Variants in MCF2L observed in about 807,000 individuals in gnomAD.
MCF2L encodes guanine nucleotide exchange factor DBS.
In MCF2L, 97 loss-of-function variants were observed where a neutral mutation model predicts 153.4. That is an observed-to-expected ratio of 0.63 (90% CI 0.54 to 0.75). The LOEUF is 0.75. MCF2L is among the 30% of genes least tolerant of loss of function. The probability of loss-of-function intolerance (pLI) is 0.00; values close to 1 mark genes in which losing one functional copy is unlikely to be tolerated. For missense variants in MCF2L, 1,347 were observed against 1,495.2 expected, an observed-to-expected ratio of 0.90 and a Z score of 1.64; for synonymous variants, 659 against 632.2, an observed-to-expected ratio of 1.04 and a Z score of -0.64.
intron 1 of MCF2L, among the ~76,000 whole-genome samples, chr13:112,975,468 C>T (rs1175440324): frequency 1.3e-5 from 2 of 152,198 alleles, no homozygotes; most frequent in African/African-American, 2.4e-5. Context: ...AGAGCACCTA[C>T]CTGCTAGGGT....
intron 15 of MCF2L, among the ~76,000 whole-genome samples, chr13:113,079,735 A>G (rs1182246805): frequency 6.6e-6 from 1 of 152,120 alleles, no homozygotes; most frequent in Non-Finnish European, 1.5e-5. Flanking sequence ...AGAAGCGTCC[A>G]GGCAGAGGAT....
chr13:112,948,238 C>T (rs1438021573), intron 2 of MCF2L, among the ~76,000 whole-genome samples: 1 of 152,244 alleles, frequency 6.6e-6, no homozygotes, highest in African/African-American at 2.4e-5. Flanking sequence ...TCAATCCATA[C>T]TAATCTTATG....
chr13:112,935,153 A>C (rs1469345279), intron 2 of MCF2L, among the ~76,000 whole-genome samples: 1 of 152,200 alleles, frequency 6.6e-6, no homozygotes, highest in Non-Finnish European at 1.5e-5. Context: ...TGACATTATG[A>C]TGGTTCAAAA....
intron 2 of MCF2L, among the ~76,000 whole-genome samples, chr13:112,921,036 G>T (rs3011493): frequency 0.082 from 12,470 of 151,804 alleles, 638 homozygotes; most frequent in South Asian, 0.14. Context: ...AATTAGCCGG[G>T]TGTGGTGGCG....
intron 2 of MCF2L, among the ~76,000 whole-genome samples, chr13:113,017,138 G>A (rs972526902): frequency 2.6e-5 from 4 of 152,338 alleles, no homozygotes; most frequent in Non-Finnish European, 5.9e-5. Context: ...GTTGCCAATC[G>A]CCCCGTCCCC....
chr13:112,931,529 G>T (rs1412993748), intron 2 of MCF2L, among the ~76,000 whole-genome samples: 5 of 152,288 alleles, frequency 3.3e-5, no homozygotes, highest in Middle Eastern at 3.4e-3. Flanking sequence ...GCAGATACAG[G>T]TGGCGACATA....
At chr13:112,982,775 G>A (rs147390586) in intron 1 of MCF2L, among the ~76,000 whole-genome samples, 8 of 152,328 alleles carry the variant, frequency 5.3e-5, no homozygotes, top group Non-Finnish European at 8.8e-5. Flanking sequence ...GTCTGTGATC[G>A]TGTCTGTGGT....
chr13:112,925,460 T>G (rs982475795), intron 2 of MCF2L, among the ~76,000 whole-genome samples: 3 of 152,182 alleles, frequency 2.0e-5, no homozygotes, highest in African/African-American at 7.2e-5. Context: ...AGCCCCACGC[T>G]GGACACCCTA....
upstream of MCF2L, chr13:112,968,841 G>A: frequency 8.2e-7 from 1 of 1,214,108 alleles, no homozygotes; most frequent in Non-Finnish European, 1.1e-6. Context: ...GAAGGGCGGG[G>A]GCACTTGTGC....
rs779671728 is a variant in MCF2L, at chr13:113,027,564, C to T, written c.278+2806C>T. ...TCTTGTCTGTTGTGAGAATCTTGCA[C>T]CCCCTATGCGCCAGGCTCTGCTGGC... On this transcript the variant is annotated intron_variant, in intron 3 of 29. Transcript: ENST00000535094. The surrounding 1 kb of genome is among the most constrained non-coding windows in gnomAD (Gnocchi z 4.8). Among the ~76,000 whole-genome samples the T allele has an allele frequency of 7.9e-5, 12 of 152,156 alleles. No individual in the cohort carries two copies. Among genetic ancestry groups the T allele is most frequent in the Non-Finnish European group, 1.5e-4 (10 of 68,026 alleles).
At chr13:112,905,485 G>C (rs543524101) in intron 2 of MCF2L, among the ~76,000 whole-genome samples, 4 of 152,238 alleles carry the variant, frequency 2.6e-5, no homozygotes, top group Non-Finnish European at 5.9e-5. Context: ...TAGGGGCAAG[G>C]AGGCAAGGAA....
chr13:113,095,321 G>A, intron 27 of MCF2L: 2 of 1,175,514 alleles, frequency 1.7e-6, no homozygotes, highest in Non-Finnish European at 2.1e-6. Context: ...GAAGCCAGGC[G>A]TGGAAGGGTA....
intron 2 of MCF2L, among the ~76,000 whole-genome samples, chr13:112,958,734 C>T (rs913598539): frequency 2.0e-5 from 3 of 152,246 alleles, no homozygotes; most frequent in Non-Finnish European, 4.4e-5. Flanking sequence ...CATGCAGCTC[C>T]TCAGGCCTGG....
chr13:113,077,938 C>T (rs1220932991), intron 13 of MCF2L, among the ~76,000 whole-genome samples: 1 of 152,244 alleles, frequency 6.6e-6, no homozygotes, highest in Admixed American at 6.5e-5. Context: ...TTATTTTCTG[C>T]CTGTTGGGAG....
chr13:113,082,476 C>T lies in MCF2L; in HGVS notation c.1925C>T (p.Thr642Ile). The T allele has an allele frequency of 1.2e-6, 2 of 1,614,118 alleles. No individual in the cohort carries two copies. The highest frequency in any genetic ancestry group is 2.2e-5 in the South Asian group (2 of 91,084). ...DNPLMAHLLS[T>I]GLHNKKDVLF... ...CCACTGATGGCTCACCTCCTGTCAA[C>T]AGGCCTTCACAACAAGAAGGATGTT... Residue 642 changes from threonine to isoleucine, a missense_variant, in exon 17 of 30, where the codon ACA becomes ATA. Thr to Ile is a moderately conservative substitution (Grantham distance 89, BLOSUM62 -1). Coordinates refer to ENST00000535094, the MANE Select transcript of MCF2L (RefSeq NM_001112732.3).
At chr13:113,085,673 C>T (rs2034567988) in intron 20 of MCF2L, among the ~76,000 whole-genome samples, 1 of 146,398 alleles carries the variant, frequency 6.8e-6, no homozygotes, top group South Asian at 2.2e-4. Flanking sequence ...GAGGGAGCTC[C>T]CCGGGGAGCA....
chr13:112,927,511 C>T (rs1933204), intron 2 of MCF2L, among the ~76,000 whole-genome samples: 26,929 of 151,968 alleles, frequency 0.18, 2,665 homozygotes, highest in African/African-American at 0.25. Flanking sequence ...GAGCCTACAA[C>T]ATCTTGTTCT....
In MCF2L at chr13:113,045,394, G is replaced by A. The variant is rs143862456; in HGVS notation, c.369+33G>A. ...CCACCCGGGGCTCTGCCCTGCGCCCGGCCCCTCCCTGGGCTGCATGACCGC... is the reference window on the plus strand; with the variant it reads ...CCACCCGGGGCTCTGCCCTGCGCCCAGCCCCTCCCTGGGCTGCATGACCGC... On this transcript the variant is annotated intron_variant, in intron 4 of 29. Transcript: ENST00000535094. This position sits in a 1 kb window ranked among gnomAD's most constrained non-coding sequence, Gnocchi z 4.2. The A allele has an allele frequency of 9.1e-4, 1,420 of 1,561,570 alleles. 19 individuals are homozygous for A. The South Asian group carries it at 0.011, about 12-fold the overall frequency.
Position 113,096,829 on chromosome 13 carries a change from C to T in MCF2L, c.3348C>T (p.Gly1116=). 2 of 1,524,298 alleles carry T rather than the reference C, an allele frequency of 1.3e-6. No homozygotes were observed. The highest frequency in any genetic ancestry group is 1.2e-5 in the South Asian group (1 of 81,390). The allele number at this position is 1,524,298 out of a possible 1,614,324, so 94.4% of individuals were successfully genotyped here. ...ACTCGTCCAGCTGCAGCGAGGGCGG[C>T]CAGGCCCCCTTCTCCGACCTGCAGG... The part of the protein sequence containing the change: ...LSNSSSCSEG[G]QAPFSDLQG The change falls in exon 30 of 30, where the codon GGC becomes GGT. Residue 1116 remains glycine (G), a synonymous_variant. Coordinates refer to ENST00000535094, the MANE Select transcript of MCF2L (RefSeq NM_001112732.3).
Sources: gnomAD v4.1 joint callset for allele counts (sites outside exome capture counted in the v4.1 genomes callset) on GRCh38, gnomAD v4.1.1 for gene constraint, Gnocchi (gnomAD v3.1) non-coding constraint, MANE v1.5 for transcripts, NCBI Gene and HGNC (gene_info 2026-07-23, HGNC 2026-07-21) for gene names.